Variants in ERCC6 observed in about 807,000 individuals in gnomAD.
ERCC6 encodes the protein ERCC excision repair 6, chromatin remodeling factor, also known as DNA excision repair protein ERCC-6.
In ERCC6, 116 loss-of-function variants were observed where a neutral mutation model predicts 158.7. The observed-to-expected ratio is 0.73, with a 90% CI of 0.63 to 0.85. The LOEUF is 0.85. Among genes scored for constraint, ERCC6 ranks in the 40% least tolerant of loss-of-function variants. The pLI is 0.00. For missense variants in ERCC6, 1,698 were observed against 1,799.4 expected (o/e 0.94, Z 1.02); for synonymous variants, 678 against 659.3 (o/e 1.03, Z -0.43).
At chr10:49,509,782 G>A (rs1451145670) in intron 5 of ERCC6, among the ~76,000 whole-genome samples, 4 of 152,140 alleles carry the variant, frequency 2.6e-5, no homozygotes, top group Non-Finnish European at 4.4e-5. Flanking sequence ...AAAAGCAGAA[G>A]GGGGCAGTAA....
intron 18 of ERCC6, among the ~76,000 whole-genome samples, chr10:49,463,113 C>CA (rs1850612977): frequency 6.6e-6 from 1 of 152,170 alleles, no homozygotes; most frequent in African/African-American, 2.4e-5. Context: ...TTGCCTTTTT[C>CA]AGATTTTGGA....
At chr10:49,469,923 G>A (rs1014776561) in intron 18 of ERCC6, among the ~76,000 whole-genome samples, 4 of 152,164 alleles carry the variant, frequency 2.6e-5, no homozygotes, top group African/African-American at 7.2e-5. Context: ...AGTACACATC[G>A]ATTTAAGAAT....
At chr10:49,448,961 G>A in the ERCC6 span, among the ~76,000 whole-genome samples, 2 of 152,174 alleles carry the variant, frequency 1.3e-5, no homozygotes, top group African/African-American at 2.4e-5. Flanking sequence ...GTTTCTGTGT[G>A]GACATAAGTC....
chr10:49,488,137 T>A (rs1240668529), intron 8 of ERCC6: 1 of 215,666 alleles, frequency 4.6e-6, no homozygotes, highest in African/African-American at 2.3e-5. Flanking sequence ...ATAGGGTACA[T>A]CTGCAATTAG....
At chr10:49,495,839 T>G (rs554151992) in intron 7 of ERCC6, among the ~76,000 whole-genome samples, 10 of 152,250 alleles carry the variant, frequency 6.6e-5, no homozygotes, top group African/African-American at 2.4e-4. Flanking sequence ...GTCCAGCCAC[T>G]CTCCTCTCTC....
At chr10:49,508,027 G>C (rs1010075170) in intron 5 of ERCC6, among the ~76,000 whole-genome samples, 1 of 151,918 alleles carries the variant, frequency 6.6e-6, no homozygotes, top group Non-Finnish European at 1.5e-5. Context: ...TTCAGCAGTC[G>C]AGGAGTTTAC....
the ERCC6 span, among the ~76,000 whole-genome samples, chr10:49,440,052 C>T: frequency 6.6e-6 from 1 of 152,222 alleles, no homozygotes; most frequent in South Asian, 2.1e-4. Flanking sequence ...GCCTTCCAAA[C>T]TGTTCTAACC....
At chr10:49,471,169 T>C in intron 16 of ERCC6, 49 bp from the exon 17 acceptor site, 1 of 1,590,654 alleles carries the variant, frequency 6.3e-7, no homozygotes, top group Non-Finnish European at 8.6e-7. Context: ...TAGCTCTACC[T>C]AAAAATTCAA....
rs569564278 is a variant in ERCC6, at chr10:49,454,796, T to C, written c.*4019A>G. 4.7e-4 allele frequency among the ~76,000 whole-genome samples: 71 copies of C among 152,296 alleles called. 1 individual carries two copies. The highest frequency in any genetic ancestry group is 1.6e-3 in the African/African-American group (65 of 41,568). ...TACCATTTGTGATAATCAATTATGA[T>C]ACCACAATGATAAAAACAGTGGGTT... On this transcript the variant is annotated 3_prime_UTR_variant, in exon 21 of 21. Coordinates refer to ENST00000355832, the MANE Select transcript of ERCC6 (RefSeq NM_000124.4).
intron 5 of ERCC6, among the ~76,000 whole-genome samples, chr10:49,522,157 G>A (rs549597920): frequency 4.6e-5 from 7 of 152,188 alleles, no homozygotes; most frequent in South Asian, 4.1e-4. Context: ...ATCATCCATC[G>A]TCAAACCACT....
chr10:49,477,278 A>G (rs937360301), intron 11 of ERCC6, among the ~76,000 whole-genome samples: 5 of 151,794 alleles, frequency 3.3e-5, no homozygotes, highest in African/African-American at 1.2e-4. Context: ...CATCCACCTC[A>G]TTTTCCTTTA....
chr10:49,468,445 G>C (rs1045300892), intron 18 of ERCC6, among the ~76,000 whole-genome samples: 1 of 152,222 alleles, frequency 6.6e-6, no homozygotes, highest in Non-Finnish European at 1.5e-5. Context: ...CATCTCTCAA[G>C]AGATCACTGC....
chr10:49,508,657 T>C (rs2132585924), intron 5 of ERCC6, among the ~76,000 whole-genome samples: 1 of 152,240 alleles, frequency 6.6e-6, no homozygotes, highest in East Asian at 1.9e-4. Flanking sequence ...AGACAGAAAA[T>C]ATCATGGTTA....
At chr10:49,529,192 A>C (rs535898220) in intron 3 of ERCC6, among the ~76,000 whole-genome samples, 1 of 152,340 alleles carries the variant, frequency 6.6e-6, no homozygotes, top group South Asian at 2.1e-4. Context: ...TACCTGGTTC[A>C]TCTTTCCAAG....
At chr10:49,537,516 C>CAG (rs1346601604) in intron 1 of ERCC6, among the ~76,000 whole-genome samples, 1 of 151,414 alleles carries the variant, frequency 6.6e-6, no homozygotes, top group African/African-American at 2.4e-5. Flanking sequence ...CATACACACA[C>CAG]ACACACACAC....
chr10:49,531,692 G>A (rs569033832), intron 2 of ERCC6, among the ~76,000 whole-genome samples: 2 of 152,292 alleles, frequency 1.3e-5, no homozygotes, highest in South Asian at 4.1e-4. Context: ...GAGGCCAAAA[G>A]AACACACCAG....
intron 17 of ERCC6, 28 bp downstream of exon 17, chr10:49,470,947 C>G (rs780091693): frequency 1.2e-6 from 2 of 1,613,724 alleles, no homozygotes; most frequent in Admixed American, 3.3e-5. Flanking sequence ...CAATTGATTA[C>G]TTTAAATTAA....
At chr10:49,460,521 C>T (rs1850563419) in intron 19 of ERCC6, 70 bp from the exon 20 acceptor site, 2 of 1,033,408 alleles carry the variant, frequency 1.9e-6, no homozygotes, top group Admixed American at 3.4e-5. Context: ...AATATTCTTT[C>T]AACAATGAAC....
downstream of ERCC6, among the ~76,000 whole-genome samples, chr10:49,453,325 C>T (rs1850441659): frequency 6.6e-6 from 1 of 152,066 alleles, no homozygotes; most frequent in South Asian, 2.1e-4. Context: ...CCCTTTCCCC[C>T]TTTTTGTGAT....
Sources: gnomAD v4.1 joint callset for allele counts (sites outside exome capture counted in the v4.1 genomes callset) on GRCh38, gnomAD v4.1.1 for gene constraint, MANE v1.5 for transcripts, NCBI Gene and HGNC (gene_info 2026-07-23, HGNC 2026-07-21) for gene names.